The following SLIT3 variants were observed in gnomAD, a reference collection of about 807,000 sequenced individuals.
SLIT3 encodes slit homolog 3 protein.
A neutral mutation model predicts 184.0 loss-of-function variants in SLIT3; 68 were observed. The ratio of observed to expected loss-of-function variants is 0.37; its 90% CI spans 0.30 to 0.45. The LOEUF is 0.45. Ranked by LOEUF, SLIT3 falls within the 20% of genes least tolerant of loss-of-function variation. The probability of loss-of-function intolerance (pLI) is 1.00; values close to 1 mark genes in which losing one functional copy is unlikely to be tolerated. For synonymous variants in SLIT3, 831 were observed against 828.6 expected, an observed-to-expected ratio of 1.00 and a Z score of -0.05; for missense variants, 1,707 against 2,026.0, an observed-to-expected ratio of 0.84 and a Z score of 3.02.
intron 10 of SLIT3, 100 bp from the exon 11 acceptor site, chr5:168,789,731 G>A: frequency 2.3e-6 from 2 of 860,106 alleles, no homozygotes; most frequent in Non-Finnish European, 3.8e-6. Flanking sequence ...AAAATGGTAA[G>A]GATTAATCAA....
At chr5:168,702,482 G>A (rs190996421) in intron 26 of SLIT3, among the ~76,000 whole-genome samples, 11 of 152,226 alleles carry the variant, frequency 7.2e-5, no homozygotes, top group Non-Finnish European at 1.2e-4. Context: ...CAAAACATGC[G>A]TTCTAGGGGC....
intron 3 of SLIT3, among the ~76,000 whole-genome samples, chr5:169,224,023 TAAGAA>T (rs1206364431): frequency 6.6e-6 from 1 of 152,210 alleles, no homozygotes; most frequent in Non-Finnish European, 1.5e-5. Context: ...TAAGTAGTCT[TAAGAA>T]GATACATCGG....
intron 23 of SLIT3, among the ~76,000 whole-genome samples, chr5:168,715,846 A>G (rs1400742174): frequency 1.4e-5 from 2 of 146,166 alleles, no homozygotes; most frequent in Non-Finnish European, 1.5e-5. Flanking sequence ...CTAATTTTGT[A>G]TTTTTATTAG....
rs1251099395 is a variant in SLIT3 at position 168,662,759 on chromosome 5, G to A, written c.*3695C>T. The A allele has an allele frequency of 6.6e-6, 1 of 152,200 alleles. No homozygotes were observed. 9.4% of individuals were successfully genotyped at this position (152,200 alleles called of 1,614,324 possible). On this transcript the variant is annotated 3_prime_UTR_variant, in exon 36 of 36. Coordinates refer to ENST00000519560, the MANE Select transcript of SLIT3 (RefSeq NM_003062.4). ...TTTCCCTTTCCTGAATCCTGCTCAGGGGGGACACAGCTTGAGCGGCCTCTT... is the reference window on the plus strand; with the variant it reads ...TTTCCCTTTCCTGAATCCTGCTCAGAGGGGACACAGCTTGAGCGGCCTCTT...
chr5:168,965,726 C>T (rs1451713713), intron 4 of SLIT3, among the ~76,000 whole-genome samples: 1 of 152,222 alleles, frequency 6.6e-6, no homozygotes, highest in Non-Finnish European at 1.5e-5. Flanking sequence ...TAAAAGTTTA[C>T]TGTCTCTCCG....
chr5:168,700,456 C>T, intron 27 of SLIT3, 126 bp downstream of exon 27: 1 of 694,568 alleles, frequency 1.4e-6, no homozygotes, highest in Non-Finnish European at 2.6e-6. Flanking sequence ...TGAGGCTTCC[C>T]AGCCATGCTG....
chr5:168,720,337 A>T (rs534085718), intron 23 of SLIT3: 3 of 151,520 alleles, frequency 2.0e-5, no homozygotes, highest in African/African-American at 7.2e-5. Context: ...GGAAAGAGAA[A>T]ACCCTGGTCA....
intron 4 of SLIT3, among the ~76,000 whole-genome samples, chr5:168,939,391 C>T (rs545012320): frequency 3.9e-5 from 6 of 152,256 alleles, no homozygotes; most frequent in African/African-American, 1.4e-4. Flanking sequence ...TAATAGATCC[C>T]ACAAATACAG....
intron 3 of SLIT3, among the ~76,000 whole-genome samples, chr5:169,231,836 T>G (rs1334714072): frequency 6.6e-6 from 1 of 152,206 alleles, no homozygotes; most frequent in Admixed American, 6.5e-5. Flanking sequence ...CACTTGATAT[T>G]GTAAGTTTTA....
At chr5:169,252,055 C>T (rs1270941721) in intron 1 of SLIT3, among the ~76,000 whole-genome samples, 1 of 152,180 alleles carries the variant, frequency 6.6e-6, no homozygotes, top group Non-Finnish European at 1.5e-5. Flanking sequence ...TCCCATCTCT[C>T]CTATATTTTG....
At chr5:168,686,489 C>A (rs1277863182) in intron 30 of SLIT3, among the ~76,000 whole-genome samples, 1 of 152,208 alleles carries the variant, frequency 6.6e-6, no homozygotes, top group Non-Finnish European at 1.5e-5. Context: ...CAACAAAGGA[C>A]AAATGCTGTA....
At chr5:168,828,658 C>CAAATAAAAAAAAAAAA (rs1757777653) in intron 6 of SLIT3, among the ~76,000 whole-genome samples, 1 of 97,128 alleles carries the variant, frequency 1.0e-5, no homozygotes, top group Non-Finnish European at 2.0e-5. Context: ...GATCCTGACT[C>CAAATAAAAAAAAAAAA]AAAAAAAAAA....
intron 5 of SLIT3, among the ~76,000 whole-genome samples, chr5:168,881,162 A>G (rs776946617): frequency 3.9e-5 from 6 of 152,180 alleles, no homozygotes; most frequent in African/African-American, 7.2e-5. Context: ...ATCCTCACTG[A>G]GTTTAGGATC....
At chr5:168,675,766 A>C (rs1266880016) in intron 32 of SLIT3, among the ~76,000 whole-genome samples, 2 of 152,178 alleles carry the variant, frequency 1.3e-5, no homozygotes, top group Admixed American at 1.3e-4. Flanking sequence ...CAGTTATTTT[A>C]GTGTTAGAAG....
intron 4 of SLIT3, among the ~76,000 whole-genome samples, chr5:168,921,779 G>A (rs969871787): frequency 1.3e-5 from 2 of 152,268 alleles, no homozygotes; most frequent in Admixed American, 6.5e-5. Context: ...GGAATGACAA[G>A]GAGAAGGAGA....
At chr5:168,959,044 C>T (rs538525750) in intron 4 of SLIT3, among the ~76,000 whole-genome samples, 201 of 152,360 alleles carry the variant, frequency 1.3e-3, no homozygotes, top group Non-Finnish European at 2.4e-3. Context: ...GCCATGCCAC[C>T]CTTCCTGGCA....
At chr5:168,752,387 GGTT>G (rs1389971984) in intron 18 of SLIT3, 1 of 124,134 alleles carries the variant, frequency 8.1e-6, no homozygotes, top group African/African-American at 3.4e-5. Flanking sequence ...CAAAGCCCCT[GGTT>G]TTTTTTTTTT....
intron 16 of SLIT3, among the ~76,000 whole-genome samples, chr5:168,756,794 G>A (rs1018322317): frequency 7.9e-5 from 12 of 152,186 alleles, no homozygotes; most frequent in Non-Finnish European, 1.5e-4. Context: ...TTGTTGGGGA[G>A]GGTGGGGATT....
At chr5:168,893,796 A>G (rs978102052) in intron 4 of SLIT3, among the ~76,000 whole-genome samples, 2 of 152,164 alleles carry the variant, frequency 1.3e-5, no homozygotes, top group African/African-American at 4.8e-5. Context: ...CTGCTCTGTG[A>G]TTAATTGCTG....
Sources: gnomAD v4.1 joint callset for allele counts (sites outside exome capture counted in the v4.1 genomes callset) on GRCh38, gnomAD v4.1.1 for gene constraint, MANE v1.5 for transcripts, NCBI Gene and HGNC (gene_info 2026-07-23, HGNC 2026-07-21) for gene names.